HLCS: variants seen among roughly 807,000 people sequenced by gnomAD.
HLCS encodes biotin--protein ligase.
HLCS carries 53 observed loss-of-function variants against 75.0 expected under a neutral mutation model. The ratio of observed to expected loss-of-function variants is 0.71; its 90% CI spans 0.57 to 0.89. HLCS has a LOEUF of 0.89. Among genes scored for constraint, HLCS ranks in the 40% least tolerant of loss-of-function variants. The probability of loss-of-function intolerance (pLI) is 0.00; values close to 1 mark genes in which losing one functional copy is unlikely to be tolerated. For missense variants in HLCS, 966 were observed against 1,074.0 expected, an observed-to-expected ratio of 0.90 and a Z score of 1.41; for synonymous variants, 431 against 428.6, an observed-to-expected ratio of 1.01 and a Z score of -0.07.
intron 5 of HLCS, among the ~76,000 whole-genome samples, chr21:36,917,848 G>A (rs1040009041): frequency 6.6e-6 from 1 of 151,676 alleles, no homozygotes; most frequent in Admixed American, 6.6e-5. Context: ...GGCCATTCTA[G>A]GTAACAGCTG....
At chr21:36,839,476 C>A (rs2062541738) in intron 6 of HLCS, among the ~76,000 whole-genome samples, 1 of 152,172 alleles carries the variant, frequency 6.6e-6, no homozygotes, top group Non-Finnish European at 1.5e-5. Flanking sequence ...GCTTTGCTCA[C>A]TGATGGAGTG....
intron 6 of HLCS, among the ~76,000 whole-genome samples, chr21:36,817,843 G>A (rs916986088): frequency 3.3e-5 from 5 of 152,082 alleles, no homozygotes; most frequent in African/African-American, 1.2e-4. Flanking sequence ...TTAGTCCAAC[G>A]ATCCTACACA....
rs1025592382 is a variant in HLCS, at chr21:36,905,154, T to C, written c.1621-8023A>G. 2.6e-5 allele frequency among the ~76,000 whole-genome samples: 4 copies of C among 152,220 alleles called. No homozygotes were observed. The South Asian group carries it at 6.2e-4, about 24-fold the overall frequency. On this transcript the variant is annotated intron_variant, in intron 5 of 10. Transcript: ENST00000674895. ...CACACTGTCTTATTAGAATATAAGTTCCATAAAGATAATATACATATGTTC... is the reference window on the plus strand; with the variant it reads ...CACACTGTCTTATTAGAATATAAGTCCCATAAAGATAATATACATATGTTC...
At chr21:36,774,754 C>T (rs1265063293) in intron 6 of HLCS, among the ~76,000 whole-genome samples, 1 of 152,182 alleles carries the variant, frequency 6.6e-6, no homozygotes, top group Non-Finnish European at 1.5e-5. Context: ...ATGGGGGATG[C>T]AGAATCTTCA....
chr21:36,977,929 T>A (rs1010387264), intron 1 of HLCS, among the ~76,000 whole-genome samples: 1 of 152,298 alleles, frequency 6.6e-6, no homozygotes, highest in African/African-American at 2.4e-5. Context: ...GGCAACGCGC[T>A]TTCACTTCAT....
At chr21:36,811,871 G>C (rs1350565889) in intron 6 of HLCS, among the ~76,000 whole-genome samples, 1 of 152,196 alleles carries the variant, frequency 6.6e-6, no homozygotes, top group Non-Finnish European at 1.5e-5. Flanking sequence ...AGCGGCTGCT[G>C]TGACCAGCCA....
At chr21:36,782,708 C>T (rs2060569985) in intron 6 of HLCS, among the ~76,000 whole-genome samples, 1 of 152,162 alleles carries the variant, frequency 6.6e-6, no homozygotes, top group South Asian at 2.1e-4. Context: ...GTGGCTCATG[C>T]CTGTAATCCC....
upstream of HLCS, among the ~76,000 whole-genome samples, chr21:36,970,993 C>CA (rs58741965): frequency 1.5e-3 from 135 of 92,718 alleles, no homozygotes; most frequent in South Asian, 3.8e-3. Context: ...GACTCCATCT[C>CA]AAAAAAAAAA....
At chr21:36,847,057 C>T (rs1263251825) in intron 6 of HLCS, among the ~76,000 whole-genome samples, 1 of 152,166 alleles carries the variant, frequency 6.6e-6, no homozygotes, top group East Asian at 1.9e-4. Flanking sequence ...ATTTTAAAAT[C>T]TCTCCTTTTG....
chr21:36,842,324 T>C lies in HLCS; in HGVS notation c.1892+54536A>G, dbSNP rs543197826. Among the ~76,000 whole-genome samples, 5 of 152,220 alleles carry C rather than the reference T, an allele frequency of 3.3e-5. No individual in the cohort carries two copies. The highest frequency in any genetic ancestry group is 6.5e-5 in the Admixed American group (1 of 15,284). The stretch of plus-strand genomic sequence containing the variant: ...GAAGGGACCTGAAGGTGCCTCTGAC[T>C]GCTGGAACCCATTTCTTGATCTGGC... On this transcript the variant is annotated intron_variant, in intron 6 of 10. Coordinates refer to ENST00000674895, the MANE Select transcript of HLCS (RefSeq NM_001352514.2). This position sits in a 1 kb window ranked among gnomAD's most constrained non-coding sequence, Gnocchi z 4.2.
chr21:36,777,156 T>C (rs1335119152), intron 6 of HLCS, among the ~76,000 whole-genome samples: 1 of 152,212 alleles, frequency 6.6e-6, no homozygotes, highest in Non-Finnish European at 1.5e-5. Context: ...TGGGTTTTGA[T>C]AAATGCATCG....
chr21:36,915,006 A>G (rs138724886), intron 5 of HLCS, among the ~76,000 whole-genome samples: 2,970 of 152,348 alleles, frequency 0.019, 96 homozygotes, highest in African/African-American at 0.067. Context: ...AGAGGTGCCC[A>G]TCCTAGCCGA....
intron 6 of HLCS, among the ~76,000 whole-genome samples, chr21:36,801,611 T>C (rs1336015220): frequency 6.6e-6 from 1 of 152,204 alleles, no homozygotes; most frequent in Non-Finnish European, 1.5e-5. Flanking sequence ...TGGCAGTTCA[T>C]CTTTTTATTA....
intron 6 of HLCS, among the ~76,000 whole-genome samples, chr21:36,853,051 T>C (rs74325348): frequency 0.041 from 6,234 of 152,274 alleles, 259 homozygotes; most frequent in East Asian, 0.21. Context: ...TGGCTTCCTA[T>C]GACTCAGTGC....
intron 2 of HLCS, among the ~76,000 whole-genome samples, chr21:36,947,025 G>A (rs1313027992): frequency 1.3e-5 from 2 of 152,148 alleles, no homozygotes; most frequent in African/African-American, 4.8e-5. Flanking sequence ...GTGGGAAACA[G>A]GGAAACGAAC....
chr21:36,974,808 C>G (rs999685005), intron 1 of HLCS: 6 of 152,234 alleles, frequency 3.9e-5, no homozygotes, highest in African/African-American at 1.4e-4. Flanking sequence ...CCCGCCCACA[C>G]CTTCATCTTG....
intron 6 of HLCS, among the ~76,000 whole-genome samples, chr21:36,784,794 G>C (rs1300747776): frequency 6.6e-6 from 1 of 152,084 alleles, no homozygotes; most frequent in African/African-American, 2.4e-5. Flanking sequence ...AATACTACCA[G>C]CTTGGTGGCC....
chr21:36,950,708 T>A (rs1258944154), intron 2 of HLCS, among the ~76,000 whole-genome samples: 1 of 152,046 alleles, frequency 6.6e-6, no homozygotes. Flanking sequence ...GCCAATCTTA[T>A]CAAATCTTAA....
chr21:36,763,206 G>T (rs972875103), intron 8 of HLCS, among the ~76,000 whole-genome samples: 1 of 152,124 alleles, frequency 6.6e-6, no homozygotes, highest in Non-Finnish European at 1.5e-5. Context: ...TGTGTTTTTA[G>T]TAGAGATGGG....
Sources: gnomAD v4.1 joint callset for allele counts (sites outside exome capture counted in the v4.1 genomes callset) on GRCh38, gnomAD v4.1.1 for gene constraint, Gnocchi (gnomAD v3.1) non-coding constraint, MANE v1.5 for transcripts, NCBI Gene and HGNC (gene_info 2026-07-23, HGNC 2026-07-21) for gene names.